GRIN2B: variants seen among roughly 807,000 people sequenced by gnomAD.
GRIN2B encodes the protein glutamate receptor ionotropic, NMDA 2B.
Under a neutral mutation model 114.5 loss-of-function variants are expected in GRIN2B, and 5 were observed. The observed-to-expected ratio is 0.04, with a 90% CI of 0.02 to 0.09. The LOEUF (loss-of-function observed/expected upper bound fraction) is 0.09. GRIN2B is among the 10% of genes least tolerant of loss of function. The probability of loss-of-function intolerance (pLI) is 1.00; values close to 1 mark genes in which losing one functional copy is unlikely to be tolerated. For missense variants in GRIN2B, 1,108 were observed against 1,943.5 expected (o/e 0.57, Z 8.08); for synonymous variants, 787 against 745.1 (o/e 1.06, Z -0.92).
chr12:13,741,642 A>C (rs1400534125), intron 4 of GRIN2B, among the ~76,000 whole-genome samples: 4 of 152,102 alleles, frequency 2.6e-5, no homozygotes, highest in African/African-American at 9.7e-5. Context: ...TGCAGCCTCT[A>C]TCTTCCTGGG....
intron 5 of GRIN2B, among the ~76,000 whole-genome samples, chr12:13,625,047 A>G (rs2136491286): frequency 6.6e-6 from 1 of 152,316 alleles, no homozygotes; most frequent in Middle Eastern, 3.4e-3. Context: ...TGATCATATT[A>G]GAGTAATTAG....
At chr12:13,701,637 A>C (rs1438726135) in intron 4 of GRIN2B, among the ~76,000 whole-genome samples, 2 of 152,160 alleles carry the variant, frequency 1.3e-5, no homozygotes, top group Non-Finnish European at 2.9e-5. Context: ...TGAATTAACT[A>C]CAACTGCACC....
chr12:13,865,308 A>G (rs1258739187), intron 3 of GRIN2B, among the ~76,000 whole-genome samples: 5 of 152,228 alleles, frequency 3.3e-5, no homozygotes, highest in African/African-American at 1.2e-4. Context: ...GAGTTTCTAG[A>G]TACCAGCACC....
At chr12:13,953,475 C>A (rs1284068113) in intron 2 of GRIN2B, among the ~76,000 whole-genome samples, 2 of 152,178 alleles carry the variant, frequency 1.3e-5, no homozygotes, top group Non-Finnish European at 2.9e-5. Flanking sequence ...TGTCCCCCAT[C>A]CCTTCTCTTT....
At chr12:13,937,512 G>C (rs893956136) in intron 2 of GRIN2B, among the ~76,000 whole-genome samples, 1 of 149,462 alleles carries the variant, frequency 6.7e-6, no homozygotes, top group Non-Finnish European at 1.5e-5. Context: ...GAAAAAAAAA[G>C]AGAAAAAACT....
intron 10 of GRIN2B, among the ~76,000 whole-genome samples, chr12:13,597,205 G>A (rs1219465258): frequency 6.6e-6 from 1 of 152,216 alleles, no homozygotes; most frequent in African/African-American, 2.4e-5. Context: ...GGGTCTGGAG[G>A]AAGGGAACTT....
At chr12:13,697,901 G>A (rs1190551483) in intron 4 of GRIN2B, among the ~76,000 whole-genome samples, 1 of 152,196 alleles carries the variant, frequency 6.6e-6, no homozygotes, top group African/African-American at 2.4e-5. Flanking sequence ...AATCCAACAT[G>A]TGACACTGCA....
chr12:13,593,452 TC>T, intron 10 of GRIN2B, among the ~76,000 whole-genome samples: 1 of 152,312 alleles, frequency 6.6e-6, no homozygotes, highest in South Asian at 2.1e-4. Context: ...GGGAAAGGAT[TC>T]CCTATTTAAT....
chr12:13,558,017 T>C lies in GRIN2B; in HGVS notation c.*4766A>G, dbSNP rs2136395480. 6.6e-6 allele frequency: 1 copy of C among 152,320 alleles called. No individual in the cohort carries two copies. The highest frequency in any genetic ancestry group is 2.1e-4 in the South Asian group (1 of 4,828). 9.4% of individuals were successfully genotyped at this position (152,320 alleles called of 1,614,324 possible). On this transcript the variant is annotated 3_prime_UTR_variant, in exon 14 of 14. Coordinates refer to ENST00000609686, the MANE Select transcript of GRIN2B (RefSeq NM_000834.5). ...CCTTTTCAGGACCTTCAACACACCA[T>C]GGACCACATAGCATACATAAGGCCA...
intron 2 of GRIN2B, among the ~76,000 whole-genome samples, chr12:13,873,592 T>C (rs1865946939): frequency 6.6e-6 from 1 of 152,238 alleles, no homozygotes; most frequent in Admixed American, 6.5e-5. Flanking sequence ...GTTACTCTTT[T>C]CAAGCTTTTG....
At position 13,538,767 on chromosome 12, in the gene GRIN2B, A is replaced by G. The variant is rs1298490743; in HGVS notation, c.*24016T>C. 2 of 152,040 alleles carry G rather than the reference A, an allele frequency of 1.3e-5. No individual in the cohort carries two copies. Among genetic ancestry groups the G allele is most frequent in the Non-Finnish European group, 2.9e-5 (2 of 68,004 alleles). 9.4% of individuals were successfully genotyped at this position (152,040 alleles called of 1,614,324 possible). A position where few individuals can be genotyped will look rare whatever the true frequency, so the allele number is the denominator to read the frequency against. ...GAGGTCAAGGCTGCAGTGAGCCGTA[A>G]TCATACCTCTCCACTCCAGCCTGGA... On this transcript the variant is annotated 3_prime_UTR_variant, in exon 14 of 14. Coordinates refer to ENST00000609686, the MANE Select transcript of GRIN2B (RefSeq NM_000834.5).
At chr12:13,624,303 CCCTCCACAAAG>C (rs1949548106) in intron 5 of GRIN2B, among the ~76,000 whole-genome samples, 1 of 151,778 alleles carries the variant, frequency 6.6e-6, no homozygotes, top group Non-Finnish European at 1.5e-5. Flanking sequence ...TCACTGCACA[CCCTCCACAAAG>C]CCTCCACTAG....
intron 2 of GRIN2B, among the ~76,000 whole-genome samples, chr12:13,904,197 C>A: frequency 6.8e-6 from 1 of 146,844 alleles, no homozygotes; most frequent in East Asian, 2.0e-4. Context: ...TTGTTCCACA[C>A]CTCCTCTGTT....
At chr12:13,825,496 T>TTTGTGTGTGTG (rs375940899) in intron 3 of GRIN2B, among the ~76,000 whole-genome samples, 1 of 122,994 alleles carries the variant, frequency 8.1e-6, no homozygotes, top group African/African-American at 3.1e-5. Flanking sequence ...TATATATATT[T>TTTGTGTGTGTG]TGTGTGTGTG....
At chr12:13,769,669 G>A (rs1863869434) in intron 3 of GRIN2B, among the ~76,000 whole-genome samples, 1 of 152,248 alleles carries the variant, frequency 6.6e-6, no homozygotes, top group Admixed American at 6.5e-5. Flanking sequence ...GCATCAGCAA[G>A]CTGAGTAATA....
chr12:13,587,809 T>C (rs1948950021), intron 10 of GRIN2B, among the ~76,000 whole-genome samples: 1 of 152,250 alleles, frequency 6.6e-6, no homozygotes, highest in Non-Finnish European at 1.5e-5. Context: ...ATTACTGGTA[T>C]AATAGCTTGC....
chr12:13,637,642 C>A (rs1949677782), intron 5 of GRIN2B, among the ~76,000 whole-genome samples: 1 of 152,114 alleles, frequency 6.6e-6, no homozygotes, highest in South Asian at 2.1e-4. Flanking sequence ...GACACAGGGC[C>A]TTACCTAAGC....
At chr12:13,905,448 T>C (rs781524560) in intron 2 of GRIN2B, among the ~76,000 whole-genome samples, 1 of 152,238 alleles carries the variant, frequency 6.6e-6, no homozygotes, top group Non-Finnish European at 1.5e-5. Context: ...GGAGATATTT[T>C]TAAGCTTCCC....
At chr12:13,791,321 G>A (rs1306261198) in intron 3 of GRIN2B, among the ~76,000 whole-genome samples, 6 of 151,786 alleles carry the variant, frequency 4.0e-5, no homozygotes, top group Non-Finnish European at 7.4e-5. Context: ...GTGTGGTGGC[G>A]GGCGCCTGTA....
Sources: allele counts gnomAD v4.1 joint callset (sites outside exome capture counted in the v4.1 genomes callset), GRCh38; gene constraint gnomAD v4.1.1; transcripts MANE v1.5; gene names NCBI Gene and HGNC (gene_info 2026-07-23, HGNC 2026-07-21).